The following SYT1 variants were observed in gnomAD, a reference collection of about 807,000 sequenced individuals.
SYT1 encodes the protein synaptotagmin-1.
In SYT1, 8 loss-of-function variants were observed where a neutral mutation model predicts 44.8. That is an observed-to-expected ratio of 0.18 (90% confidence interval 0.10 to 0.32). The LOEUF is 0.32. SYT1 is among the 10% of genes least tolerant of loss of function. SYT1 has a pLI of 1.00. For missense variants in SYT1, 286 were observed against 509.3 expected (o/e 0.56, Z 4.22); for synonymous variants, 154 against 188.8 (o/e 0.82, Z 1.51).
intron 2 of SYT1, among the ~76,000 whole-genome samples, chr12:79,034,513 C>A (rs766362840): frequency 6.6e-6 from 1 of 151,726 alleles, no homozygotes; most frequent in Non-Finnish European, 1.5e-5. Context: ...GATCCCAGCT[C>A]TGATACTTAT....
chr12:79,094,198 T>G (rs1192877136), intron 3 of SYT1, among the ~76,000 whole-genome samples: 1 of 151,856 alleles, frequency 6.6e-6, no homozygotes, highest in East Asian at 1.9e-4. Context: ...TGAGAAACCT[T>G]TGAAAGTATA....
intron 8 of SYT1, among the ~76,000 whole-genome samples, chr12:79,300,789 TTATATATATATATATATATATATA>T (rs56934430): frequency 1.1e-5 from 1 of 89,624 alleles, no homozygotes; most frequent in South Asian, 4.7e-4. Flanking sequence ...TGTATACTTA[TTATATATATATATATATATATATA>T]TATATATATA....
chr12:79,279,745 C>A (rs994843252), intron 4 of SYT1, among the ~76,000 whole-genome samples: 1 of 151,758 alleles, frequency 6.6e-6, no homozygotes, highest in Admixed American at 6.6e-5. Context: ...TAAATGTATA[C>A]ATAGAAAACC....
intron 9 of SYT1, among the ~76,000 whole-genome samples, chr12:79,404,093 C>A (rs1403359659): frequency 6.6e-6 from 1 of 152,128 alleles, no homozygotes; most frequent in African/African-American, 2.4e-5. Context: ...AGCACCACAA[C>A]ACTGCAAAGA....
intron 2 of SYT1, among the ~76,000 whole-genome samples, chr12:78,991,698 T>C (rs552795936): frequency 2.6e-5 from 4 of 152,258 alleles, no homozygotes; most frequent in Non-Finnish European, 5.9e-5. Flanking sequence ...TTAGAAAAAC[T>C]CAAACATTCA....
intron 8 of SYT1, among the ~76,000 whole-genome samples, chr12:79,300,572 T>A (rs1880088701): frequency 6.6e-6 from 1 of 151,936 alleles, no homozygotes; most frequent in Non-Finnish European, 1.5e-5. Flanking sequence ...ACCCCCTATA[T>A]GATGAAATGA....
At position 79,248,208 on chromosome 12, in the gene SYT1, A is replaced by T. The variant is rs1391476450; in HGVS notation, c.166+30523A>T. ...TGAATCCTCCATTAATGGAGAGTTGAGAAGATTATTTTTAGATCCAAAAGA... is the reference window on the plus strand; with the variant it reads ...TGAATCCTCCATTAATGGAGAGTTGTGAAGATTATTTTTAGATCCAAAAGA... On this transcript the variant is annotated intron_variant, in intron 4 of 10. Transcript: ENST00000261205. Among the ~76,000 whole-genome samples, 5 of 152,198 alleles carry T rather than the reference A, an allele frequency of 3.3e-5. No homozygotes were observed. The East Asian group carries it at 7.7e-4, about 23-fold the overall frequency.
At chr12:79,138,002 G>A (rs1437707600) in intron 3 of SYT1, among the ~76,000 whole-genome samples, 1 of 152,080 alleles carries the variant, frequency 6.6e-6, no homozygotes, top group Non-Finnish European at 1.5e-5. Context: ...TTAAACCCCA[G>A]CACATACCTA....
intron 3 of SYT1, among the ~76,000 whole-genome samples, chr12:79,098,444 A>T (rs1878272193): frequency 6.6e-6 from 1 of 152,108 alleles, no homozygotes; most frequent in South Asian, 2.1e-4. Context: ...AGCAACAGAA[A>T]CTATTTATAT....
chr12:78,948,765 A>G (rs1177585091), intron 1 of SYT1, among the ~76,000 whole-genome samples: 1 of 151,826 alleles, frequency 6.6e-6, no homozygotes, highest in East Asian at 1.9e-4. Context: ...TTTAAGTAGT[A>G]TCCATTTTCT....
chr12:79,276,998 G>A (rs931528192), intron 4 of SYT1, among the ~76,000 whole-genome samples: 1 of 151,722 alleles, frequency 6.6e-6, no homozygotes, highest in African/African-American at 2.4e-5. Context: ...GGGAGAAGGA[G>A]GAGAAAAGGA....
At chr12:79,245,018 G>A (rs1876739413) in intron 4 of SYT1, among the ~76,000 whole-genome samples, 1 of 152,036 alleles carries the variant, frequency 6.6e-6, no homozygotes, top group African/African-American at 2.4e-5. Context: ...TACAAGATAA[G>A]GTATGAGCAA....
intron 4 of SYT1, among the ~76,000 whole-genome samples, chr12:79,249,157 T>A (rs1877035854): frequency 7.5e-6 from 1 of 133,982 alleles, no homozygotes; most frequent in Non-Finnish European, 1.6e-5. Context: ...GACTGCGGAC[T>A]GCAGTGGCGC....
chr12:79,232,744 C>T (rs908283412), intron 4 of SYT1, among the ~76,000 whole-genome samples: 3 of 152,130 alleles, frequency 2.0e-5, no homozygotes, highest in Non-Finnish European at 4.4e-5. Flanking sequence ...GTCTCCAGTT[C>T]CAGCACAAAA....
At chr12:79,224,379 T>C (rs1197763199) in intron 4 of SYT1, among the ~76,000 whole-genome samples, 2 of 152,016 alleles carry the variant, frequency 1.3e-5, no homozygotes, top group Non-Finnish European at 2.9e-5. Flanking sequence ...ATAGTGTAAA[T>C]GTAATAGGGA....
At chr12:78,917,219 C>T (rs188540175) in intron 1 of SYT1, among the ~76,000 whole-genome samples, 9 of 152,178 alleles carry the variant, frequency 5.9e-5, no homozygotes, top group Admixed American at 2.0e-4. Flanking sequence ...TTACCCTACA[C>T]GGCAGCCTTT....
At chr12:79,272,095 T>C (rs1477940967) in intron 4 of SYT1, among the ~76,000 whole-genome samples, 2 of 152,184 alleles carry the variant, frequency 1.3e-5, no homozygotes, top group Non-Finnish European at 2.9e-5. Context: ...AAGGAAGTAT[T>C]ATTTAAATGA....
chr12:79,210,191 T>C (rs143713984), intron 3 of SYT1, among the ~76,000 whole-genome samples: 204 of 152,292 alleles, frequency 1.3e-3, no homozygotes, highest in African/African-American at 4.7e-3. Context: ...GTCATAGCAA[T>C]CAAAATCCTG....
intron 9 of SYT1, among the ~76,000 whole-genome samples, chr12:79,440,877 T>A (rs895401898): frequency 1.3e-5 from 2 of 152,134 alleles, no homozygotes; most frequent in African/African-American, 4.8e-5. Flanking sequence ...AGGAGCAAGG[T>A]CTAGATCTCA....
Sources: gnomAD v4.1 joint callset for allele counts (sites outside exome capture counted in the v4.1 genomes callset) on GRCh38, gnomAD v4.1.1 for gene constraint, MANE v1.5 for transcripts, NCBI Gene and HGNC (gene_info 2026-07-23, HGNC 2026-07-21) for gene names.